INO80D: variants seen among roughly 807,000 people sequenced by gnomAD.
INO80D encodes INO80 complex subunit D.
A neutral mutation model predicts 87.6 loss-of-function variants in INO80D; 21 were observed. The observed-to-expected ratio is 0.24, with a 90% CI of 0.17 to 0.35. The LOEUF is 0.35. Ranked by LOEUF, INO80D falls within the 10% of genes least tolerant of loss-of-function variation. INO80D has a pLI of 1.00. For missense variants in INO80D, 982 were observed against 1,280.7 expected, an observed-to-expected ratio of 0.77 and a Z score of 3.56; for synonymous variants, 440 against 491.0, an observed-to-expected ratio of 0.90 and a Z score of 1.37.
Position 206,005,540 on chromosome 2 carries a change from C to T in INO80D, c.1919-7G>A. 6.2e-7 allele frequency: 1 copy of T among 1,601,078 alleles called. No individual in the cohort carries two copies. The highest frequency in any genetic ancestry group is 8.5e-7 in the Non-Finnish European group (1 of 1,174,240). ...AGGAGGTCTCCATTCTTCCCTGAGT[C>T]AACAAAAGCCATCGACAATCAGTAG... On this transcript the variant is annotated splice_region_variant and splice_polypyrimidine_tract_variant and intron_variant, in intron 10 of 10. Coordinates refer to ENST00000403263, the MANE Select transcript of INO80D (RefSeq NM_017759.5).
intron 5 of INO80D, among the ~76,000 whole-genome samples, chr2:206,034,671 T>C (rs1193116986): frequency 6.7e-6 from 1 of 149,472 alleles, no homozygotes; most frequent in Non-Finnish European, 1.5e-5. Flanking sequence ...GCATTCCCTC[T>C]GAGAACTGGA....
At chr2:206,047,059 G>T (rs757081172) in intron 4 of INO80D, among the ~76,000 whole-genome samples, 1 of 152,258 alleles carries the variant, frequency 6.6e-6, no homozygotes, top group South Asian at 2.1e-4. Context: ...GATTACAGGC[G>T]TGAGCCACCG....
intron 3 of INO80D, among the ~76,000 whole-genome samples, chr2:206,059,468 G>A (rs1689626245): frequency 6.6e-6 from 1 of 152,168 alleles, no homozygotes; most frequent in South Asian, 2.1e-4. Flanking sequence ...TTTGGGAAAA[G>A]ACCACTGAGG....
At chr2:206,080,057 C>A (rs1407631516) in intron 1 of INO80D, among the ~76,000 whole-genome samples, 2 of 152,216 alleles carry the variant, frequency 1.3e-5, no homozygotes, top group African/African-American at 2.4e-5. Context: ...TAAGCTATTA[C>A]TTAACATTCA....
intron 1 of INO80D, among the ~76,000 whole-genome samples, chr2:206,071,572 A>T (rs1689974480): frequency 7.1e-6 from 1 of 141,148 alleles, no homozygotes; most frequent in Non-Finnish European, 1.5e-5. Context: ...GTCTTTCTTC[A>T]TTTTTATTTG....
chr2:206,077,539 G>A (rs1690153102), intron 1 of INO80D, among the ~76,000 whole-genome samples: 1 of 152,132 alleles, frequency 6.6e-6, no homozygotes, highest in African/African-American at 2.4e-5. Flanking sequence ...ATGTTCTTGT[G>A]ATGGAAAACA....
intron 1 of INO80D, among the ~76,000 whole-genome samples, chr2:206,066,256 A>C (rs1296233011): frequency 2.0e-5 from 3 of 150,250 alleles, no homozygotes; most frequent in Non-Finnish European, 4.5e-5. Context: ...ACGATGTCTC[A>C]AAAAAAAAAT....
At chr2:206,059,258 G>GT (rs1184524258) in intron 3 of INO80D, among the ~76,000 whole-genome samples, 1 of 151,998 alleles carries the variant, frequency 6.6e-6, no homozygotes, top group Non-Finnish European at 1.5e-5. Context: ...GTGTGCGCCT[G>GT]TAATTCCAGC....
intron 8 of INO80D, among the ~76,000 whole-genome samples, chr2:206,015,657 G>A (rs372377456): frequency 1.3e-4 from 20 of 152,190 alleles, no homozygotes; most frequent in East Asian, 9.7e-4. Flanking sequence ...GGCTGAGGCG[G>A]GCAGATCACC....
chr2:206,012,435 C>A (rs1688201048), intron 8 of INO80D, among the ~76,000 whole-genome samples: 1 of 152,156 alleles, frequency 6.6e-6, no homozygotes, highest in Non-Finnish European at 1.5e-5. Context: ...AAACAACATA[C>A]CCCCTATGGC....
chr2:206,015,459 T>C (rs907899668), intron 8 of INO80D, among the ~76,000 whole-genome samples: 79 of 152,244 alleles, frequency 5.2e-4, no homozygotes, highest in African/African-American at 1.8e-3. Context: ...GGGAGCAAGG[T>C]AGAGCTCAGG....
intron 6 of INO80D, among the ~76,000 whole-genome samples, chr2:206,021,231 T>C (rs1688455605): frequency 6.6e-6 from 1 of 152,208 alleles, no homozygotes; most frequent in Non-Finnish European, 1.5e-5. Flanking sequence ...AATGGAATTA[T>C]TGACACTAAT....
At chr2:206,075,897 C>T (rs1690103873) in intron 1 of INO80D, among the ~76,000 whole-genome samples, 1 of 151,408 alleles carries the variant, frequency 6.6e-6, no homozygotes, top group Admixed American at 6.6e-5. Flanking sequence ...CTACAAAATA[C>T]AAATATTAGC....
intron 4 of INO80D, 87 bp from the exon 5 acceptor site, chr2:206,046,699 C>A: frequency 1.3e-6 from 1 of 780,548 alleles, no homozygotes; most frequent in East Asian, 2.6e-5. Context: ...ATAACATAAC[C>A]CAACATACCT....
At chr2:206,079,470 A>G (rs1043559776) in intron 1 of INO80D, among the ~76,000 whole-genome samples, 1 of 152,148 alleles carries the variant, frequency 6.6e-6, no homozygotes, top group African/African-American at 2.4e-5. Flanking sequence ...AAATTTGTCT[A>G]CTTCTACCAT....
At position 205,995,517 on chromosome 2, in the gene INO80D, C is replaced by T. The variant is rs1286544268; in HGVS notation, c.*8851G>A. On this transcript the variant is annotated 3_prime_UTR_variant, in exon 11 of 11. Coordinates refer to ENST00000403263, the MANE Select transcript of INO80D (RefSeq NM_017759.5). ...AAAAGATTGCCATTTAAAACTCATA[C>T]ATATACATGTGTATATACAGTTATA... is the stretch of plus-strand genomic sequence containing the variant. 2 of 152,098 alleles carry T rather than the reference C, an allele frequency of 1.3e-5. No homozygotes were observed. The highest frequency in any genetic ancestry group is 1.3e-4 in the Admixed American group (2 of 15,268). 9.4% of individuals were successfully genotyped at this position (152,098 alleles called of 1,614,324 possible).
chr2:206,062,966 C>G lies in INO80D; in HGVS notation c.51G>C (p.Leu17Phe). 1 of 1,613,258 alleles carries G rather than the reference C, an allele frequency of 6.2e-7. No individual in the cohort carries two copies. The highest frequency in any genetic ancestry group is 1.7e-4 in the Middle Eastern group (1 of 6,058). Residue 17 changes from leucine to phenylalanine, a missense_variant, in exon 3 of 11, where the codon TTG becomes TTC. Leu to Phe is a conservative substitution (Grantham distance 22). Transcript: ENST00000403263. The surrounding 1 kb of genome is among the most constrained non-coding windows in gnomAD (Gnocchi z 4.6). Reference sequence around the variant, plus strand: ...TGCACAGTTTGGGGCTATATGAGCACAAGGGCTTATTGTCAACCTCAGAGA... The same window carrying G: ...TGCACAGTTTGGGGCTATATGAGCAGAAGGGCTTATTGTCAACCTCAGAGA... ...IHFSEVDNKP[L>F]CSYSPKLCKQ...
chr2:206,077,271 C>T (rs573883390), intron 1 of INO80D, among the ~76,000 whole-genome samples: 109 of 151,338 alleles, frequency 7.2e-4, no homozygotes, highest in Non-Finnish European at 1.2e-3. Flanking sequence ...ACCCGAAAGG[C>T]GGAGCTTGCA....
intron 5 of INO80D, among the ~76,000 whole-genome samples, chr2:206,044,010 T>C (rs1013807808): frequency 2.0e-5 from 3 of 152,098 alleles, no homozygotes; most frequent in Middle Eastern, 3.4e-3. Context: ...TGGGTAAACA[T>C]AACAGGACCC....
Sources: gnomAD v4.1 joint callset for allele counts (sites outside exome capture counted in the v4.1 genomes callset) on GRCh38, gnomAD v4.1.1 for gene constraint, Gnocchi (gnomAD v3.1) non-coding constraint, MANE v1.5 for transcripts, NCBI Gene and HGNC (gene_info 2026-07-23, HGNC 2026-07-21) for gene names.